The following LRRC4C variants were observed in gnomAD, a reference collection of about 807,000 sequenced individuals.
The protein encoded by LRRC4C is leucine-rich repeat-containing protein 4C.
LRRC4C carries 5 observed loss-of-function variants against 33.6 expected under a neutral mutation model. That is an observed-to-expected ratio of 0.15 (90% confidence interval 0.08 to 0.31). The LOEUF (loss-of-function observed/expected upper bound fraction) is 0.31. Ranked by LOEUF, LRRC4C falls within the 10% of genes least tolerant of loss-of-function variation. The probability of loss-of-function intolerance (pLI) is 1.00; values close to 1 mark genes in which losing one functional copy is unlikely to be tolerated. For missense variants in LRRC4C, 560 were observed against 796.7 expected (o/e 0.70, Z 3.58); for synonymous variants, 329 against 302.0 (o/e 1.09, Z -0.93).
chr11:41,151,032 A>C (rs1176222749), intron 1 of LRRC4C, among the ~76,000 whole-genome samples: 1 of 151,848 alleles, frequency 6.6e-6, no homozygotes, highest in Non-Finnish European at 1.5e-5. Context: ...ACACACACAC[A>C]GACACACACA....
intron 2 of LRRC4C, among the ~76,000 whole-genome samples, chr11:40,682,348 T>A (rs559804677): frequency 2.6e-4 from 40 of 151,662 alleles, no homozygotes; most frequent in Non-Finnish European, 5.2e-4. Flanking sequence ...ACTAAAGGGA[T>A]GAATGAATGA....
intron 3 of LRRC4C, among the ~76,000 whole-genome samples, chr11:40,573,892 T>C (rs1423716528): frequency 6.6e-6 from 1 of 152,156 alleles, no homozygotes; most frequent in East Asian, 1.9e-4. Context: ...TGACCATGGA[T>C]GTAAACCATT....
chr11:40,840,792 C>T (rs1007702239), intron 2 of LRRC4C, among the ~76,000 whole-genome samples: 38 of 152,076 alleles, frequency 2.5e-4, no homozygotes, highest in African/African-American at 9.2e-4. Context: ...AACAGTAAAA[C>T]AAAAGAAAAA....
chr11:40,261,369 A>T (rs1941815116), intron 4 of LRRC4C, among the ~76,000 whole-genome samples: 1 of 152,114 alleles, frequency 6.6e-6, no homozygotes, highest in African/African-American at 2.4e-5. Flanking sequence ...ACCCCTAGAT[A>T]TTTAGGTAAG....
At chr11:41,205,687 T>C (rs1447215285) in intron 1 of LRRC4C, among the ~76,000 whole-genome samples, 1 of 152,144 alleles carries the variant, frequency 6.6e-6, no homozygotes, top group Non-Finnish European at 1.5e-5. Flanking sequence ...AAACTTATAA[T>C]AACCTTCAGG....
Position 40,735,111 on chromosome 11 carries a change from T to G in LRRC4C, c.-406-86833A>C, listed in dbSNP as rs1354848079. Among the ~76,000 whole-genome samples, 10 of 152,300 alleles carry G rather than the reference T, an allele frequency of 6.6e-5. No individual in the cohort carries two copies. The East Asian group carries it at 1.9e-3, about 29-fold the overall frequency. ...TCCCACATTCTCAGGCATTTGGCCT[T>G]GTACCTAGAATTACATAATTAGCTT... is the stretch of plus-strand genomic sequence containing the variant. On this transcript the variant is annotated intron_variant, in intron 2 of 6. Coordinates refer to ENST00000528697, the MANE Select transcript of LRRC4C (RefSeq NM_001258419.2).
chr11:40,134,461 A>G (rs1361786343), intron 6 of LRRC4C, among the ~76,000 whole-genome samples: 1 of 152,208 alleles, frequency 6.6e-6, no homozygotes, highest in Non-Finnish European at 1.5e-5. Flanking sequence ...ATAGAAAGGT[A>G]ATGGAGATAT....
At chr11:41,036,292 G>T (rs1407727605) in intron 1 of LRRC4C, among the ~76,000 whole-genome samples, 1 of 152,112 alleles carries the variant, frequency 6.6e-6, no homozygotes, top group Admixed American at 6.6e-5. Flanking sequence ...GCTAGGCAAT[G>T]ATTAAAAAGT....
chr11:41,081,792 T>C (rs1272866583), intron 1 of LRRC4C, among the ~76,000 whole-genome samples: 1 of 152,216 alleles, frequency 6.6e-6, no homozygotes, highest in Non-Finnish European at 1.5e-5. Flanking sequence ...AATATTATTA[T>C]ATTCTAAAGC....
At chr11:40,246,102 T>C (rs1467365978) in intron 4 of LRRC4C, among the ~76,000 whole-genome samples, 1 of 151,788 alleles carries the variant, frequency 6.6e-6, no homozygotes, top group African/African-American at 2.4e-5. Context: ...GCCTCCCAAG[T>C]AGCTGGGACT....
chr11:40,141,445 A>C (rs763046073), intron 5 of LRRC4C, among the ~76,000 whole-genome samples: 1 of 152,164 alleles, frequency 6.6e-6, no homozygotes, highest in Non-Finnish European at 1.5e-5. Context: ...ACAGTACTTA[A>C]AGCAAAGAGA....
At chr11:40,165,945 C>CA (rs1189782688) in intron 5 of LRRC4C, among the ~76,000 whole-genome samples, 1 of 151,932 alleles carries the variant, frequency 6.6e-6, no homozygotes, top group Non-Finnish European at 1.5e-5. Context: ...AACTCTGTCT[C>CA]AAAAAAACAA....
At chr11:40,817,514 G>A (rs1591797943) in intron 2 of LRRC4C, among the ~76,000 whole-genome samples, 1 of 152,128 alleles carries the variant, frequency 6.6e-6, no homozygotes, top group Non-Finnish European at 1.5e-5. Flanking sequence ...GTTGATGCAA[G>A]GGTTGCATGG....
chr11:41,443,089 ATTTTT>A, intron 1 of LRRC4C, among the ~76,000 whole-genome samples: 1 of 105,994 alleles, frequency 9.4e-6, no homozygotes, highest in Non-Finnish European at 1.8e-5. Context: ...TGTTTGCTTC[ATTTTT>A]TTTTTTTTTT....
chr11:40,461,716 T>TATA (rs148850103), intron 3 of LRRC4C, among the ~76,000 whole-genome samples: 6,089 of 149,132 alleles, frequency 0.041, 393 homozygotes, highest in African/African-American at 0.14. Context: ...ATCTTATACA[T>TATA]ATAATCATTA....
At chr11:40,962,172 C>A (rs770457831) in intron 1 of LRRC4C, among the ~76,000 whole-genome samples, 12 of 151,346 alleles carry the variant, frequency 7.9e-5, no homozygotes, top group Non-Finnish European at 1.0e-4. Flanking sequence ...GAGAGAGATA[C>A]AAGGATGAAA....
chr11:40,510,624 A>G (rs1219333753), intron 3 of LRRC4C, among the ~76,000 whole-genome samples: 3 of 152,200 alleles, frequency 2.0e-5, no homozygotes, highest in Non-Finnish European at 2.9e-5. Flanking sequence ...TACTGCCTCT[A>G]TCCGCAGCAA....
intron 5 of LRRC4C, among the ~76,000 whole-genome samples, chr11:40,232,406 T>C (rs918130321): frequency 6.6e-6 from 1 of 152,126 alleles, no homozygotes; most frequent in Admixed American, 6.5e-5. Context: ...AGACAAAGTT[T>C]CCTGTTATGC....
intron 2 of LRRC4C, among the ~76,000 whole-genome samples, chr11:40,907,719 T>C (rs185415763): frequency 2.6e-5 from 4 of 152,306 alleles, no homozygotes; most frequent in Non-Finnish European, 4.4e-5. Flanking sequence ...TGAAAACACA[T>C]TATTCAATGT....
Sources: gnomAD v4.1 joint callset for allele counts (sites outside exome capture counted in the v4.1 genomes callset) on GRCh38, gnomAD v4.1.1 for gene constraint, MANE v1.5 for transcripts, NCBI Gene and HGNC (gene_info 2026-07-23, HGNC 2026-07-21) for gene names.